The following GUCY1A1 variants were observed in gnomAD, a reference collection of about 807,000 sequenced individuals.
GUCY1A1 encodes guanylate cyclase soluble subunit alpha-1.
Under a neutral mutation model 64.5 loss-of-function variants are expected in GUCY1A1, and 48 were observed. That is an observed-to-expected ratio of 0.74 (90% CI 0.59 to 0.95). The LOEUF (loss-of-function observed/expected upper bound fraction) is 0.95. Ranked by LOEUF, GUCY1A1 falls within the 40% of genes least tolerant of loss-of-function variation. The pLI is 0.00. For missense variants in GUCY1A1, 804 were observed against 825.3 expected (o/e 0.97, Z 0.32); for synonymous variants, 308 against 303.4 (o/e 1.02, Z -0.16).
At chr4:155,683,319 G>A (rs1490384192) in intron 2 of GUCY1A1, among the ~76,000 whole-genome samples, 2 of 152,310 alleles carry the variant, frequency 1.3e-5, no homozygotes, top group Non-Finnish European at 2.9e-5. Flanking sequence ...AGGTGTGTTT[G>A]TGTCTTCACA....
chr4:155,668,623 T>A (rs1204286468), intron 2 of GUCY1A1, among the ~76,000 whole-genome samples: 8 of 152,308 alleles, frequency 5.3e-5, no homozygotes, highest in East Asian at 3.9e-4. Flanking sequence ...AATTTTTTTT[T>A]ATCTTGGTTC....
intron 9 of GUCY1A1, among the ~76,000 whole-genome samples, chr4:155,723,883 G>A (rs1386424065): frequency 7.9e-5 from 12 of 151,882 alleles, no homozygotes; most frequent in African/African-American, 2.4e-4. Context: ...GGCTGGTCTC[G>A]AACTCCTGAC....
At position 155,675,100 on chromosome 4, in the gene GUCY1A1, T is replaced by C. The variant is rs1308185897; in HGVS notation, c.-113+7681T>C. Among the ~76,000 whole-genome samples the C allele has an allele frequency of 4.6e-5, 7 of 151,546 alleles. No homozygotes were observed. In the South Asian group the frequency reaches 8.3e-4, roughly 18 times the overall value. The stretch of plus-strand genomic sequence containing the variant: ...ATGTGGTCCATAGCTGACAGAAACA[T>C]TGTTATTTGGCACGTGACAGTATAT... On this transcript the variant is annotated intron_variant, in intron 2 of 9. Transcript: ENST00000506455.
At position 155,696,965 on chromosome 4, in the gene GUCY1A1, C is replaced by G. The variant is rs1387009331; in HGVS notation, c.98C>G (p.Ala33Gly). The change falls in exon 3 of 10, where the codon GCA (alanine) becomes GGA (glycine). Residue 33 changes from alanine (A) to glycine (G), a missense_variant. Ala to Gly is a moderately conservative substitution (Grantham distance 60). Coordinates refer to ENST00000506455, the MANE Select transcript of GUCY1A1 (RefSeq NM_001130682.3). ...GTTCCTAACGAGTCTTCAGAGGAGG[C>G]AGCAGGAAGCTCAGAGAGCTGCAAA... ...GQVPNESSEE[A>G]AGSSESCKAT... 4 of 1,613,254 alleles carry G rather than the reference C, an allele frequency of 2.5e-6. No homozygotes were observed. Among genetic ancestry groups the G allele is most frequent in the South Asian group, 1.1e-5 (1 of 91,070 alleles).
At chr4:155,689,985 TG>T (rs1729525600) in intron 2 of GUCY1A1, among the ~76,000 whole-genome samples, 1 of 152,198 alleles carries the variant, frequency 6.6e-6, no homozygotes, top group East Asian at 1.9e-4. Context: ...GGAAGGTGAA[TG>T]CCCTACTCAG....
chr4:155,684,246 C>G (rs919201427), intron 2 of GUCY1A1, among the ~76,000 whole-genome samples: 3 of 152,148 alleles, frequency 2.0e-5, no homozygotes, highest in Non-Finnish European at 4.4e-5. Context: ...AAAGACTCAG[C>G]CTTTCTCAAT....
chr4:155,721,939 G>A (rs1734005392), intron 8 of GUCY1A1, 99 bp from the exon 9 acceptor site: 1 of 848,832 alleles, frequency 1.2e-6, no homozygotes, highest in African/African-American at 1.7e-5. Context: ...GTGTCCTGAG[G>A]GTGAATGGTA....
chr4:155,703,949 T>C lies in GUCY1A1; in HGVS notation c.273T>C (p.Val91=). The change falls in exon 4 of 10, where the codon GTT becomes GTC. Residue 91 remains valine (V), a synonymous_variant. Coordinates refer to ENST00000506455, the MANE Select transcript of GUCY1A1 (RefSeq NM_001130682.3). ...ACTTTCAGTTTGAACGGCTGAATGT[T>C]GCACTTCAGAGAACATTGGCAAAGC... The part of the protein sequence containing the change: ...LIFPEFERLN[V]ALQRTLAKHK... 6.2e-7 allele frequency: 1 copy of C among 1,607,084 alleles called. No individual in the cohort carries two copies. The highest frequency in any genetic ancestry group is 2.2e-5 in the East Asian group (1 of 44,820).
At chr4:155,709,971 G>A (rs538561017) in intron 5 of GUCY1A1, among the ~76,000 whole-genome samples, 119 of 152,256 alleles carry the variant, frequency 7.8e-4, no homozygotes, top group South Asian at 1.2e-3. Context: ...TATAGCACTC[G>A]TGAAAATGCT....
rs923581789 is a variant in GUCY1A1 at position 155,736,775 on chromosome 4, T to C, written c.*6544T>C. On this transcript the variant is annotated 3_prime_UTR_variant, in exon 10 of 10. Coordinates refer to ENST00000506455, the MANE Select transcript of GUCY1A1 (RefSeq NM_001130682.3). ...TTTGGTAAATATGCATTGCTATAGG[T>C]ATACCAAGTTTTTTTTGTTATGTTT... 4 of 152,076 alleles carry C rather than the reference T, an allele frequency of 2.6e-5. No individual in the cohort carries two copies. Among genetic ancestry groups the C allele is most frequent in the Non-Finnish European group, 4.4e-5 (3 of 67,928 alleles). The allele number at this position is 152,076 out of a possible 1,614,324, so 9.4% of individuals were successfully genotyped here.
At position 155,717,155 on chromosome 4, in the gene GUCY1A1, C is replaced by G. The variant is rs1444092384; in HGVS notation, c.1573-4C>G. The G allele has an allele frequency of 6.9e-7, 1 of 1,450,522 alleles. No individual in the cohort carries two copies. Among genetic ancestry groups the G allele is most frequent in the South Asian group, 1.5e-5 (1 of 65,366 alleles). 89.9% of individuals were successfully genotyped at this position (1,450,522 alleles called of 1,614,324 possible). ...TTATAGTATGGAAAATATATTATGTCTAGGTGGAGACCATTGGCGATGCCT... is the reference window on the plus strand; with the variant it reads ...TTATAGTATGGAAAATATATTATGTGTAGGTGGAGACCATTGGCGATGCCT... On this transcript the variant is annotated splice_region_variant and splice_polypyrimidine_tract_variant and intron_variant, in intron 7 of 9. Coordinates refer to ENST00000506455, the MANE Select transcript of GUCY1A1 (RefSeq NM_001130682.3).
At position 155,722,024 on chromosome 4, in the gene GUCY1A1, T is replaced by C. The variant is rs2306555; in HGVS notation, c.1717-14T>C. On this transcript the variant is annotated splice_polypyrimidine_tract_variant and intron_variant, in intron 8 of 9. Coordinates refer to ENST00000506455, the MANE Select transcript of GUCY1A1 (RefSeq NM_001130682.3). ...ACCAGTGACTGGGAACATCATGTTA[T>C]TTTTTGCTTTCAGATGCGAATTGGA... The C allele has an allele frequency of 1.3e-6, 2 of 1,575,410 alleles. No individual in the cohort carries two copies. The highest frequency in any genetic ancestry group is 1.7e-6 in the Non-Finnish European group (2 of 1,146,062).
chr4:155,705,939 A>G (rs1020079561), intron 4 of GUCY1A1, among the ~76,000 whole-genome samples: 2 of 152,180 alleles, frequency 1.3e-5, no homozygotes, highest in African/African-American at 4.8e-5. Context: ...AGTCAAGCTG[A>G]TAAGATAGTC....
At chr4:155,718,796 C>T (rs977579971) in intron 8 of GUCY1A1, among the ~76,000 whole-genome samples, 1 of 152,182 alleles carries the variant, frequency 6.6e-6, no homozygotes, top group East Asian at 1.9e-4. Context: ...CCACTGCACT[C>T]TATCAGCCAG....
chr4:155,697,386 T>C (rs765975198), intron 3 of GUCY1A1, among the ~76,000 whole-genome samples: 1 of 152,220 alleles, frequency 6.6e-6, no homozygotes, highest in Non-Finnish European at 1.5e-5. Flanking sequence ...ACAGGCTTAA[T>C]GCCTCTTTAC....
chr4:155,734,986 T>C lies in GUCY1A1; in HGVS notation c.*4755T>C, dbSNP rs1735919282. The C allele has an allele frequency of 6.6e-6, 1 of 151,960 alleles. No individual in the cohort carries two copies. Among genetic ancestry groups the C allele is most frequent in the Admixed American group, 6.6e-5 (1 of 15,212 alleles). 9.4% of individuals were successfully genotyped at this position (151,960 alleles called of 1,614,324 possible). On this transcript the variant is annotated 3_prime_UTR_variant, in exon 10 of 10. Coordinates refer to ENST00000506455, the MANE Select transcript of GUCY1A1 (RefSeq NM_001130682.3). ...CTTTGTTGAGTTTAGTTTTCTTCTG[T>C]TCTTAGCACGTCAGCTAGTAGATCT... is the stretch of plus-strand genomic sequence containing the variant.
intron 9 of GUCY1A1, among the ~76,000 whole-genome samples, chr4:155,722,756 AG>A (rs2126951839): frequency 1.3e-5 from 2 of 152,308 alleles, no homozygotes; most frequent in African/African-American, 4.8e-5. Context: ...TTTATTTCGA[AG>A]GATACAAATC....
chr4:155,698,241 A>ATAAATTGT (rs2126752613), intron 3 of GUCY1A1, among the ~76,000 whole-genome samples: 1 of 152,320 alleles, frequency 6.6e-6, no homozygotes, highest in Admixed American at 6.5e-5. Context: ...TGAAAGATGG[A>ATAAATTGT]TAAATTAGAC....
Position 155,732,460 on chromosome 4 carries a change from C to T in GUCY1A1, c.*2229C>T, listed in dbSNP as rs1233892510. On this transcript the variant is annotated 3_prime_UTR_variant, in exon 10 of 10. Transcript: ENST00000506455. ...TTCAAAGAGGATGAACATACATTTC[C>T]ATGACAGAGTCCATACGAAATTCAC... 6.5e-6 allele frequency: 1 copy of T among 153,418 alleles called. No individual in the cohort carries two copies. The highest frequency in any genetic ancestry group is 6.6e-5 in the Admixed American group (1 of 15,204). 9.5% of individuals were successfully genotyped at this position (153,418 alleles called of 1,614,324 possible). A position where few individuals can be genotyped will look rare whatever the true frequency, so the allele number is the denominator to read the frequency against.
Sources: gnomAD v4.1 joint callset for allele counts (sites outside exome capture counted in the v4.1 genomes callset) on GRCh38, gnomAD v4.1.1 for gene constraint, MANE v1.5 for transcripts, NCBI Gene and HGNC (gene_info 2026-07-23, HGNC 2026-07-21) for gene names.